The following SMARCC1 variants were observed in gnomAD, a reference collection of about 807,000 sequenced individuals.
The protein encoded by SMARCC1 is SWI/SNF complex subunit SMARCC1.
A neutral mutation model predicts 147.4 loss-of-function variants in SMARCC1; 43 were observed. That is an observed-to-expected ratio of 0.29 (90% confidence interval 0.23 to 0.38). The LOEUF is 0.38. Among genes scored for constraint, SMARCC1 ranks in the 10% least tolerant of loss-of-function variants. The pLI, the probability that SMARCC1 is intolerant of heterozygous loss-of-function variation, is 1.00. For missense variants in SMARCC1, 1,119 were observed against 1,381.1 expected (o/e 0.81, Z 3.01); for synonymous variants, 495 against 484.4 (o/e 1.02, Z -0.29).
intron 21 of SMARCC1, among the ~76,000 whole-genome samples, chr3:47,651,515 G>A (rs1395434906): frequency 6.6e-6 from 1 of 152,156 alleles, no homozygotes; most frequent in African/African-American, 2.4e-5. Context: ...TGCCCAGGGG[G>A]CTTTACACTG....
chr3:47,648,291 G>GGC (rs1157110735), intron 21 of SMARCC1, among the ~76,000 whole-genome samples: 2 of 152,012 alleles, frequency 1.3e-5, no homozygotes, highest in Non-Finnish European at 2.9e-5. Context: ...CACCGCACCC[G>GGC]GCCTTATAAA....
chr3:47,670,565 C>T, intron 19 of SMARCC1, 93 bp downstream of exon 19: 2 of 843,834 alleles, frequency 2.4e-6, no homozygotes, highest in South Asian at 2.8e-5. Flanking sequence ...GCCTGGGTGA[C>T]ACAGCGAGAC....
chr3:47,744,088 T>C (rs1387731657), intron 3 of SMARCC1, among the ~76,000 whole-genome samples: 1 of 152,144 alleles, frequency 6.6e-6, no homozygotes, highest in Non-Finnish European at 1.5e-5. Flanking sequence ...ACATCAGAGC[T>C]AGACACAGAA....
intron 11 of SMARCC1, among the ~76,000 whole-genome samples, chr3:47,700,352 G>C (rs1008001758): frequency 2.6e-5 from 4 of 152,100 alleles, no homozygotes; most frequent in Non-Finnish European, 5.9e-5. Flanking sequence ...ACAAAGATGG[G>C]TGAAGAAGGC....
chr3:47,603,091 A>G (rs996249173), intron 26 of SMARCC1, among the ~76,000 whole-genome samples: 2 of 151,934 alleles, frequency 1.3e-5, no homozygotes, highest in Non-Finnish European at 2.9e-5. Context: ...TCCTTTAAAC[A>G]TGTGCTGAAG....
At chr3:47,768,129 G>A (rs1372342437) in intron 2 of SMARCC1, among the ~76,000 whole-genome samples, 1 of 152,108 alleles carries the variant, frequency 6.6e-6, no homozygotes, top group Non-Finnish European at 1.5e-5. Context: ...TGTGAGCCAT[G>A]CCCAGCATAA....
intron 1 of SMARCC1, among the ~76,000 whole-genome samples, chr3:47,778,877 A>C (rs935837093): frequency 2.6e-5 from 4 of 151,780 alleles, no homozygotes; most frequent in Non-Finnish European, 5.9e-5. Context: ...AGTCCCAGGT[A>C]CTCAGGAGGC....
intron 17 of SMARCC1, among the ~76,000 whole-genome samples, chr3:47,675,952 A>G (rs2033567207): frequency 6.6e-6 from 1 of 152,130 alleles, no homozygotes; most frequent in South Asian, 2.1e-4. Context: ...CTCAAAAAAA[A>G]AAAAAAAGTT....
At chr3:47,612,732 T>G (rs1294511639) in intron 25 of SMARCC1, among the ~76,000 whole-genome samples, 4 of 149,994 alleles carry the variant, frequency 2.7e-5, no homozygotes, top group African/African-American at 9.7e-5. Flanking sequence ...TAGAAGGTAA[T>G]TTAAAAAAAG....
chr3:47,645,020 A>G (rs2033099688), intron 21 of SMARCC1, among the ~76,000 whole-genome samples: 1 of 152,124 alleles, frequency 6.6e-6, no homozygotes, highest in African/African-American at 2.4e-5. Context: ...AATAATTTCT[A>G]TCAACTCCAT....
At chr3:47,699,440 CA>C in intron 11 of SMARCC1, among the ~76,000 whole-genome samples, 1 of 152,240 alleles carries the variant, frequency 6.6e-6, no homozygotes, top group South Asian at 2.1e-4. Context: ...CCAGACAACA[CA>C]CCATCAGCTG....
chr3:47,666,394 T>A (rs2106742756), intron 19 of SMARCC1, among the ~76,000 whole-genome samples: 1 of 152,310 alleles, frequency 6.6e-6, no homozygotes, highest in South Asian at 2.1e-4. Context: ...TCTCTGTCAC[T>A]TAAGCAGACT....
intron 1 of SMARCC1, among the ~76,000 whole-genome samples, chr3:47,773,656 A>C (rs1394487200): frequency 6.6e-6 from 1 of 151,338 alleles, no homozygotes; most frequent in Non-Finnish European, 1.5e-5. Context: ...TTTGAGACAG[A>C]GTCTTGTTTT....
rs758699152 is a variant in SMARCC1, at chr3:47,772,828, T to C, written c.304A>G (p.Thr102Ala). The C allele has an allele frequency of 1.9e-6, 3 of 1,612,168 alleles. No homozygotes were observed. The highest frequency in any genetic ancestry group is 2.5e-6 in the Non-Finnish European group (3 of 1,178,840). Residue 102 changes from threonine (T) to alanine (A), a missense_variant, in exon 2 of 28, where the codon ACC becomes GCC. Around this residue, in one of 6 missense-constraint regions of SMARCC1, gnomAD observed 542 missense variants for 611.8 expected, o/e 0.89. Coordinates refer to ENST00000254480, the MANE Select transcript of SMARCC1 (RefSeq NM_003074.4). ...FGKHVTNPAF[T>A]KLPAKCFMDF... is the part of the protein sequence containing the mutation. ...GCTGATGTACTTACAGGGAGTTTGG[T>C]GAAGGCCGGGTTGGTGACATGCTTC...
chr3:47,726,743 G>A (rs536519121), intron 6 of SMARCC1, among the ~76,000 whole-genome samples: 7 of 152,102 alleles, frequency 4.6e-5, no homozygotes, highest in Admixed American at 4.6e-4. Flanking sequence ...CACAAATTCT[G>A]TATGATTTCA....
At position 47,676,525 on chromosome 3, in the gene SMARCC1, C is replaced by T. The variant is rs1010430397; in HGVS notation, c.1725+104G>A. ...ACAAGCAAGGATCAAAGAAATAGCA[C>T]TAATAATAGCATTATAGTATAATAA... On this transcript the variant is annotated intron_variant, in intron 17 of 27. Coordinates refer to ENST00000254480, the MANE Select transcript of SMARCC1 (RefSeq NM_003074.4). The T allele has an allele frequency of 9.8e-6, 8 of 812,860 alleles. No homozygotes were observed. In the Middle Eastern group the frequency reaches 1.1e-3, roughly 112 times the overall value. 50.4% of individuals were successfully genotyped at this position (812,860 alleles called of 1,614,324 possible). A position where few individuals can be genotyped will look rare whatever the true frequency, so the allele number is the denominator to read the frequency against.
At chr3:47,708,663 A>G (rs2034047078) in intron 9 of SMARCC1, among the ~76,000 whole-genome samples, 1 of 152,210 alleles carries the variant, frequency 6.6e-6, no homozygotes, top group Non-Finnish European at 1.5e-5. Context: ...AGAGAATATG[A>G]AGAGTCCTCA....
chr3:47,619,041 C>G (rs2032689243), intron 25 of SMARCC1, among the ~76,000 whole-genome samples: 1 of 152,112 alleles, frequency 6.6e-6, no homozygotes, highest in Non-Finnish European at 1.5e-5. Context: ...TGTAAAATGT[C>G]AAAAGGGAAG....
chr3:47,700,944 A>C (rs528806944), intron 11 of SMARCC1, among the ~76,000 whole-genome samples: 1 of 152,156 alleles, frequency 6.6e-6, no homozygotes, highest in African/African-American at 2.4e-5. Flanking sequence ...CATCCACATA[A>C]AGCATTCCCT....
Sources: gnomAD v4.1 joint callset for allele counts (sites outside exome capture counted in the v4.1 genomes callset) on GRCh38, gnomAD v4.1.1 for gene constraint, gnomAD v4.1.1 regional missense constraint, MANE v1.5 for transcripts, NCBI Gene and HGNC (gene_info 2026-07-23, HGNC 2026-07-21) for gene names.